TPD52: variants seen among roughly 807,000 people sequenced by gnomAD.
TPD52 encodes the protein prostate and colon associated protein.
A neutral mutation model predicts 31.3 loss-of-function variants in TPD52; 17 were observed. The ratio of observed to expected loss-of-function variants is 0.54; its 90% confidence interval spans 0.37 to 0.82. TPD52 has a LOEUF of 0.82. TPD52 is among the 40% of genes least tolerant of loss of function. The pLI, the probability that TPD52 is intolerant of heterozygous loss-of-function variation, is 0.00. For synonymous variants in TPD52, 83 were observed against 89.6 expected (o/e 0.93, Z 0.42); for missense variants, 212 against 240.1 (o/e 0.88, Z 0.77).
intron 1 of TPD52, among the ~76,000 whole-genome samples, chr8:80,139,097 G>C (rs1297466835): frequency 6.6e-6 from 1 of 152,020 alleles, no homozygotes; most frequent in East Asian, 1.9e-4. Flanking sequence ...TCATCTATTT[G>C]TGCCACTTGG....
At chr8:80,140,309 TAA>T (rs972152099) in intron 1 of TPD52, among the ~76,000 whole-genome samples, 1 of 152,112 alleles carries the variant, frequency 6.6e-6, no homozygotes, top group Non-Finnish European at 1.5e-5. Context: ...TAAAATGAGG[TAA>T]AATTCTAATT....
At chr8:80,134,728 G>A (rs767757758) in intron 1 of TPD52, among the ~76,000 whole-genome samples, 19 of 152,184 alleles carry the variant, frequency 1.2e-4, no homozygotes, top group East Asian at 5.8e-4. Context: ...TGCAGGAGCC[G>A]TGTTGAAAGT....
At position 80,080,429 on chromosome 8, in the gene TPD52, A is replaced by G. The variant is rs117461662; in HGVS notation, c.20-15836T>C. On this transcript the variant is annotated intron_variant, in intron 1 of 7. Transcript: ENST00000518937. ...TCAAACGGGGACTGGTAGTCCTCAT[A>G]TAAGTCCATCTCTCTACAATCCATT... is the stretch of plus-strand genomic sequence containing the variant. 4.8e-3 allele frequency: 7,714 copies of G among 1,614,168 alleles called. 32 individuals are homozygous for G. Among genetic ancestry groups the G allele is most frequent in the Admixed American group, 6.7e-3 (405 of 60,030 alleles).
chr8:80,045,176 TATA>T (rs763658115), intron 5 of TPD52, among the ~76,000 whole-genome samples: 2 of 152,204 alleles, frequency 1.3e-5, no homozygotes, highest in African/African-American at 2.4e-5. Context: ...ATACCTAGGG[TATA>T]AGAGTATAAT....
intron 1 of TPD52, among the ~76,000 whole-genome samples, chr8:80,100,900 T>G (rs748944526): frequency 2.6e-5 from 4 of 152,170 alleles, no homozygotes; most frequent in Non-Finnish European, 5.9e-5. Flanking sequence ...ATTCAAATGT[T>G]GATTTCATCC....
At chr8:80,166,731 C>G (rs6990446) in intron 1 of TPD52, among the ~76,000 whole-genome samples, 1 of 150,862 alleles carries the variant, frequency 6.6e-6, no homozygotes, top group Non-Finnish European at 1.5e-5. Flanking sequence ...TGATGAAACC[C>G]CATCTCTACT....
In TPD52 at chr8:80,152,780, C is replaced by CAAAAAAAAAAAAAAAAAA. The variant is rs57456374; in HGVS notation, c.19+18627_19+18644dup. On this transcript the variant is annotated intron_variant, in intron 1 of 7. Transcript: ENST00000518937. ...TGGGCGAAAGTGTGAGACTCCGTCT[C>CAAAAAAAAAAAAAAAAAA]AAAAAAAAAAAAAAAAAATGCCAGG... is the stretch of plus-strand genomic sequence containing the variant. 6.0e-5 allele frequency among the ~76,000 whole-genome samples: 5 copies of CAAAAAAAAAAAAAAAAAA among 83,532 alleles called. 1 individual carries two copies. The highest frequency in any genetic ancestry group is 2.1e-4 in the African/African-American group (4 of 19,432). 54.8% of individuals were successfully genotyped at this position (83,532 alleles called of 152,430 possible).
chr8:80,069,060 T>C (rs943941151), intron 1 of TPD52, among the ~76,000 whole-genome samples: 5 of 152,168 alleles, frequency 3.3e-5, no homozygotes, highest in African/African-American at 7.2e-5. Context: ...AGTTAGATTA[T>C]GGGTGTGAAG....
At chr8:80,162,088 C>T (rs1811402718) in intron 1 of TPD52, among the ~76,000 whole-genome samples, 1 of 152,078 alleles carries the variant, frequency 6.6e-6, no homozygotes, top group Non-Finnish European at 1.5e-5. Flanking sequence ...AACACACTCA[C>T]CATGATTATG....
At chr8:80,069,729 T>C (rs7821404) in intron 1 of TPD52, among the ~76,000 whole-genome samples, 54,302 of 152,018 alleles carry the variant, frequency 0.36, 10,618 homozygotes, top group East Asian at 0.7. Flanking sequence ...AAACAAAAAA[T>C]AATAGTAACA....
intron 1 of TPD52, among the ~76,000 whole-genome samples, chr8:80,157,687 A>G (rs1811066954): frequency 6.6e-6 from 1 of 152,212 alleles, no homozygotes; most frequent in South Asian, 2.1e-4. Context: ...CTAAAATCAC[A>G]GCATTACTAC....
At chr8:80,077,499 C>T (rs1352452378) in intron 1 of TPD52, among the ~76,000 whole-genome samples, 1 of 152,076 alleles carries the variant, frequency 6.6e-6, no homozygotes, top group South Asian at 2.1e-4. Flanking sequence ...AAACACTTGA[C>T]CAAAGGAGAA....
In TPD52 at chr8:80,035,988, C is replaced by CACT. The variant is rs2130307286; in HGVS notation, c.*2125_*2127dup. On this transcript the variant is annotated 3_prime_UTR_variant, in exon 8 of 8. Transcript: ENST00000518937. ...TCATGTTTTTTTCTAAATCCATCCTCACTCTTTTTAATACTTCTTTCAAGG... is the reference window on the plus strand; with the variant it reads ...TCATGTTTTTTTCTAAATCCATCCTCACTACTCTTTTTAATACTTCTTTCAAGG... 1 of 152,224 alleles carries CACT rather than the reference C, an allele frequency of 6.6e-6. No homozygotes were observed. The highest frequency in any genetic ancestry group is 1.9e-4 in the East Asian group (1 of 5,182). The allele number at this position is 152,224 out of a possible 1,614,324, so 9.4% of individuals were successfully genotyped here. A position where few individuals can be genotyped will look rare whatever the true frequency, so the allele number is the denominator to read the frequency against.
chr8:80,122,194 T>A (rs1014300080), intron 1 of TPD52, among the ~76,000 whole-genome samples: 4 of 152,032 alleles, frequency 2.6e-5, no homozygotes, highest in Non-Finnish European at 5.9e-5. Context: ...ACGTCACATC[T>A]CAAAACAAAA....
chr8:80,044,324 G>A (rs1810639248), intron 5 of TPD52, 116 bp from the exon 6 acceptor site: 1 of 770,694 alleles, frequency 1.3e-6, no homozygotes, highest in Admixed American at 3.6e-5. Flanking sequence ...GCGCCATGAA[G>A]AATTACCTAC....
intron 1 of TPD52, among the ~76,000 whole-genome samples, chr8:80,148,405 C>T (rs1382452511): frequency 6.6e-6 from 1 of 151,584 alleles, no homozygotes; most frequent in Non-Finnish European, 1.5e-5. Flanking sequence ...TCAAGCAATC[C>T]TCCTGCCTCA....
chr8:80,057,233 A>G (rs1037038230), intron 2 of TPD52, among the ~76,000 whole-genome samples: 2 of 152,230 alleles, frequency 1.3e-5, no homozygotes, highest in Non-Finnish European at 2.9e-5. Context: ...ACAATTGCTT[A>G]CAGCGGCATT....
chr8:80,040,003 G>A (rs143553913), intron 7 of TPD52, among the ~76,000 whole-genome samples: 50 of 152,078 alleles, frequency 3.3e-4, no homozygotes, highest in African/African-American at 1.2e-3. Flanking sequence ...TAACTCTGGT[G>A]CCTAATACTG....
intron 1 of TPD52, among the ~76,000 whole-genome samples, chr8:80,148,793 G>A (rs759068472): frequency 2.2e-4 from 34 of 152,258 alleles, no homozygotes; most frequent in South Asian, 4.1e-4. Flanking sequence ...AAAAGCCCAT[G>A]CTTGAAGACT....
Sources: gnomAD v4.1 joint callset for allele counts (sites outside exome capture counted in the v4.1 genomes callset) on GRCh38, gnomAD v4.1.1 for gene constraint, MANE v1.5 for transcripts, NCBI Gene and HGNC (gene_info 2026-07-23, HGNC 2026-07-21) for gene names.